Variants in GOPC observed in about 807,000 individuals in gnomAD.
GOPC encodes golgi associated PDZ and coiled-coil motif containing.
In GOPC, 32 loss-of-function variants were observed where a neutral mutation model predicts 51.2. That is an observed-to-expected ratio of 0.63 (90% CI 0.47 to 0.84). GOPC has a LOEUF of 0.84. Among genes scored for constraint, GOPC ranks in the 40% least tolerant of loss-of-function variants. GOPC has a pLI of 0.00. For synonymous variants in GOPC, 190 were observed against 205.1 expected (o/e 0.93, Z 0.63); for missense variants, 441 against 555.5 (o/e 0.79, Z 2.07).
intron 1 of GOPC, among the ~76,000 whole-genome samples, chr6:117,581,226 C>A (rs1174981791): frequency 2.0e-5 from 3 of 152,244 alleles, no homozygotes; most frequent in Non-Finnish European, 2.9e-5. Flanking sequence ...GTATCAAGGT[C>A]TGGGATGGCC....
rs1437354469 is a variant in GOPC, at chr6:117,562,735, C to A, written c.*519G>T. On this transcript the variant is annotated 3_prime_UTR_variant, in exon 9 of 9. Coordinates refer to ENST00000368498, the MANE Select transcript of GOPC (RefSeq NM_020399.4). ...TAATTGGTTTAGATTTTAGGATGCACAATAAATTTTTTTAAGTCTAAAGCC... is the reference window on the plus strand; with the variant it reads ...TAATTGGTTTAGATTTTAGGATGCAAAATAAATTTTTTTAAGTCTAAAGCC... The A allele has an allele frequency of 1.4e-5, 3 of 206,912 alleles. No individual in the cohort carries two copies. In the Admixed American group the frequency reaches 1.8e-4, roughly 12 times the overall value. The allele number at this position is 206,912 out of a possible 1,614,324, so 12.8% of individuals were successfully genotyped here. A position where few individuals can be genotyped will look rare whatever the true frequency, so the allele number is the denominator to read the frequency against.
intron 3 of GOPC, among the ~76,000 whole-genome samples, chr6:117,576,974 A>G (rs917800138): frequency 4.6e-5 from 7 of 152,122 alleles, no homozygotes; most frequent in African/African-American, 1.7e-4. Flanking sequence ...GCATTTCAAA[A>G]TTCAATTGTT....
rs1055900034 is a variant in GOPC at position 117,578,969 on chromosome 6, G to C, written c.381C>G (p.His127Gln). ...KEVHDQLLQL[H>Q]SIQLQLHAKT... ...TAGCATGAAGCTGCAGCTGAATAGA[G>C]TGCAGCTGTAAAAGCTGATCATGTA... The change falls in exon 2 of 9, where the codon CAC (histidine) becomes CAG (glutamine). Residue 127 changes from histidine to glutamine, a missense_variant. His to Gln is a conservative substitution (Grantham distance 24). Coordinates refer to ENST00000368498, the MANE Select transcript of GOPC (RefSeq NM_020399.4). 3.7e-6 allele frequency: 6 copies of C among 1,612,160 alleles called. No individual in the cohort carries two copies. The highest frequency in any genetic ancestry group is 5.1e-6 in the Non-Finnish European group (6 of 1,179,112).
rs1003083068 is a variant in GOPC, at chr6:117,602,494, G to C, written c.-206C>G. 1.7e-5 allele frequency: 10 copies of C among 592,722 alleles called. No homozygotes were observed. Among genetic ancestry groups the C allele is most frequent in the Non-Finnish European group, 2.7e-5 (9 of 334,694 alleles). The allele number at this position is 592,722 out of a possible 1,614,324, so 36.7% of individuals were successfully genotyped here. On this transcript the variant is annotated 5_prime_UTR_variant, in exon 1 of 9. Transcript: ENST00000368498. Reference sequence around the variant, plus strand: ...GAGGCGGCAACGGCGGCGACACACGGAAGACTCAGTCAGTCCCACCTCCCA... The same window carrying C: ...GAGGCGGCAACGGCGGCGACACACGCAAGACTCAGTCAGTCCCACCTCCCA...
chr6:117,598,138 C>G (rs1455877715), intron 1 of GOPC, among the ~76,000 whole-genome samples: 5 of 150,660 alleles, frequency 3.3e-5, no homozygotes, highest in Non-Finnish European at 7.4e-5. Context: ...GCAGGAGGAT[C>G]TCTTGAGCCC....
At chr6:117,591,533 A>C (rs930680110) in intron 1 of GOPC, among the ~76,000 whole-genome samples, 1 of 152,192 alleles carries the variant, frequency 6.6e-6, no homozygotes, top group Non-Finnish European at 1.5e-5. Flanking sequence ...AGAGGAGTGG[A>C]GTAAGGAAAG....
rs1780002210 is a variant in GOPC at position 117,584,435 on chromosome 6, G to A, written c.286-5371C>T. On this transcript the variant is annotated intron_variant, in intron 1 of 8. Transcript: ENST00000368498. The stretch of plus-strand genomic sequence containing the variant: ...TGGGGTTCCCACATTTCCCTTTTTA[G>A]GTTCAATTAGTTTGCTGCAGCAGCT... Among the ~76,000 whole-genome samples, 3 of 152,216 alleles carry A rather than the reference G, an allele frequency of 2.0e-5. No homozygotes were observed. In the South Asian group the frequency reaches 6.2e-4, roughly 32 times the overall value.
Position 117,563,398 on chromosome 6 carries a change from GA to G in GOPC, c.1259-15del, listed in dbSNP as rs760738572. 62 of 1,582,442 alleles carry G rather than the reference GA, an allele frequency of 3.9e-5. No individual in the cohort carries two copies. Among genetic ancestry groups the G allele is most frequent in the African/African-American group, 6.9e-5 (5 of 72,772 alleles). ...TCTTATTAAATCCTGAAAGAAAGGA[GA>G]AAAAAAAAGCAGACACTTTCTGGTT... On this transcript the variant is annotated splice_polypyrimidine_tract_variant and intron_variant, in intron 8 of 8. Coordinates refer to ENST00000368498, the MANE Select transcript of GOPC (RefSeq NM_020399.4).
intron 1 of GOPC, among the ~76,000 whole-genome samples, chr6:117,589,807 T>G (rs2114624242): frequency 6.6e-6 from 1 of 152,304 alleles, no homozygotes; most frequent in South Asian, 2.1e-4. Flanking sequence ...TGCTCCATGA[T>G]CAAACTGGAG....
At chr6:117,582,128 T>C (rs900700564) in intron 1 of GOPC, among the ~76,000 whole-genome samples, 1 of 152,116 alleles carries the variant, frequency 6.6e-6, no homozygotes, top group Admixed American at 6.5e-5. Flanking sequence ...CATATGTTTA[T>C]TGACCATTTG....
intron 1 of GOPC, among the ~76,000 whole-genome samples, chr6:117,591,426 G>A (rs1284905896): frequency 6.6e-6 from 1 of 152,230 alleles, no homozygotes; most frequent in Non-Finnish European, 1.5e-5. Context: ...TCTAGAGGTA[G>A]AAAGATGTGG....
intron 4 of GOPC, among the ~76,000 whole-genome samples, chr6:117,573,899 TA>T (rs544121896): frequency 2.2e-3 from 336 of 151,904 alleles, no homozygotes; most frequent in Non-Finnish European, 3.9e-3. Flanking sequence ...CAAATAAATC[TA>T]AAAAAAAATT....
At chr6:117,568,172 C>A (rs151185361) in intron 7 of GOPC, among the ~76,000 whole-genome samples, 172 of 152,122 alleles carry the variant, frequency 1.1e-3, no homozygotes, top group African/African-American at 3.9e-3. Context: ...TGCACTCCAG[C>A]CTGGGTGACA....
At chr6:117,582,885 C>G (rs1779980703) in intron 1 of GOPC, among the ~76,000 whole-genome samples, 1 of 151,814 alleles carries the variant, frequency 6.6e-6, no homozygotes, top group South Asian at 2.1e-4. Flanking sequence ...AAAAGGCTAT[C>G]ACACTGGCCC....
intron 6 of GOPC, 200 bp from the exon 7 acceptor site, chr6:117,569,936 T>C: frequency 1.9e-6 from 1 of 519,650 alleles, no homozygotes; most frequent in Non-Finnish European, 3.0e-6. Flanking sequence ...GCTAAATTCT[T>C]AAATTAAAAA....
At chr6:117,569,403 T>C (rs1030739310) in intron 7 of GOPC, among the ~76,000 whole-genome samples, 169 bp downstream of exon 7, 1 of 152,216 alleles carries the variant, frequency 6.6e-6, no homozygotes, top group Non-Finnish European at 1.5e-5. Context: ...GAATGGTCCA[T>C]TTTCAGTAAA....
At chr6:117,586,042 G>C (rs1339941018) in intron 1 of GOPC, among the ~76,000 whole-genome samples, 1 of 152,124 alleles carries the variant, frequency 6.6e-6, no homozygotes, top group Non-Finnish European at 1.5e-5. Flanking sequence ...TAAAGTTTGT[G>C]TACAAAAAGT....
chr6:117,593,250 G>GA (rs997520137), intron 1 of GOPC, among the ~76,000 whole-genome samples: 20 of 146,070 alleles, frequency 1.4e-4, no homozygotes, highest in South Asian at 6.5e-4. Context: ...CTATTTTACA[G>GA]AAAAAAAAAA....
Position 117,563,354 on chromosome 6 carries a change from T to G in GOPC, c.1289A>C (p.His430Pro). 2 of 1,613,604 alleles carry G rather than the reference T, an allele frequency of 1.2e-6. No individual in the cohort carries two copies. Among genetic ancestry groups the G allele is most frequent in the Non-Finnish European group, 1.7e-6 (2 of 1,179,672 alleles). Residue 430 changes from histidine (H) to proline (P), a missense_variant, in exon 9 of 9, where the codon CAT becomes CCT. Physicochemically the swap from His to Pro is moderately conservative, Grantham distance 77 (BLOSUM62 -2). Around this residue, in one of 3 missense-constraint regions of GOPC, gnomAD observed 71 missense variants for 68.8 expected, o/e 1.03. Coordinates refer to ENST00000368498, the MANE Select transcript of GOPC (RefSeq NM_020399.4). ...TGCAGTGCCCAGGTCTCCATTTTCA[T>G]GTGTGTCAGTTACTGCCTTCTTATT... ...GFNKKAVTDT[H>P]ENGDLGTASE...
Sources: gnomAD v4.1 joint callset for allele counts (sites outside exome capture counted in the v4.1 genomes callset) on GRCh38, gnomAD v4.1.1 for gene constraint, gnomAD v4.1.1 regional missense constraint, MANE v1.5 for transcripts, NCBI Gene and HGNC (gene_info 2026-07-23, HGNC 2026-07-21) for gene names.